GALNT17: variants seen among roughly 807,000 people sequenced by gnomAD.
The protein encoded by GALNT17 is UDP-GalNAc:polypeptide N-acetylgalactosaminyltransferase-like 3.
In GALNT17, 29 loss-of-function variants were observed where a neutral mutation model predicts 63.7. The ratio of observed to expected loss-of-function variants is 0.46; its 90% CI spans 0.34 to 0.62. GALNT17 has a LOEUF of 0.62. GALNT17 is among the 20% of genes least tolerant of loss of function. GALNT17 has a pLI of 0.01. For synonymous variants in GALNT17, 305 were observed against 318.3 expected, an observed-to-expected ratio of 0.96 and a Z score of 0.45; for missense variants, 603 against 799.6, an observed-to-expected ratio of 0.75 and a Z score of 2.97.
intron 5 of GALNT17, among the ~76,000 whole-genome samples, chr7:71,565,991 G>A (rs569870982): frequency 1.1e-4 from 16 of 151,826 alleles, no homozygotes; most frequent in African/African-American, 3.1e-4. Context: ...TTACAGGTGC[G>A]TGCTACTAGG....
intron 5 of GALNT17, among the ~76,000 whole-genome samples, chr7:71,424,249 C>T (rs1786718782): frequency 6.6e-6 from 1 of 152,182 alleles, no homozygotes; most frequent in Non-Finnish European, 1.5e-5. Flanking sequence ...AGGGATGAAA[C>T]TCAAATGATG....
chr7:71,191,431 C>G (rs1478317594), intron 1 of GALNT17, among the ~76,000 whole-genome samples: 1 of 151,664 alleles, frequency 6.6e-6, no homozygotes, highest in Non-Finnish European at 1.5e-5. Context: ...GGTAGACTTG[C>G]CAGGCACCAG....
intron 1 of GALNT17, among the ~76,000 whole-genome samples, chr7:71,258,536 G>T (rs1790327972): frequency 6.6e-6 from 1 of 152,182 alleles, no homozygotes; most frequent in Non-Finnish European, 1.5e-5. Flanking sequence ...CCATCCCCAA[G>T]AAGTTTTCAG....
At position 71,381,395 on chromosome 7, in the gene GALNT17, G is replaced by A. The variant is rs557100431; in HGVS notation, c.423-6840G>A. On this transcript the variant is annotated intron_variant, in intron 2 of 10. Coordinates refer to ENST00000333538, the MANE Select transcript of GALNT17 (RefSeq NM_022479.3). ...TGGAGTAGGAGGCACTATCCCTTGC[G>A]GACTGGGAGGTTGGCCCAAGGAACT... Among the ~76,000 whole-genome samples, 9 of 152,258 alleles carry A rather than the reference G, an allele frequency of 5.9e-5. No individual in the cohort carries two copies. The South Asian group carries it at 6.2e-4, about 11-fold the overall frequency.
intron 2 of GALNT17, among the ~76,000 whole-genome samples, chr7:71,357,322 C>A (rs1792305825): frequency 6.6e-6 from 1 of 152,048 alleles, no homozygotes; most frequent in Non-Finnish European, 1.5e-5. Flanking sequence ...GAGCGCGAAC[C>A]CTATTGTGAA....
At chr7:71,302,618 T>C (rs1791220829) in intron 1 of GALNT17, among the ~76,000 whole-genome samples, 1 of 152,108 alleles carries the variant, frequency 6.6e-6, no homozygotes, top group African/African-American at 2.4e-5. Context: ...TCATAGAACG[T>C]CACTGTAATG....
At chr7:71,679,063 T>C (rs1415379151) in intron 9 of GALNT17, among the ~76,000 whole-genome samples, 2 of 152,100 alleles carry the variant, frequency 1.3e-5, no homozygotes, top group African/African-American at 4.8e-5. Context: ...GAGTAGGAGA[T>C]TGGCTGGGAA....
intron 6 of GALNT17, among the ~76,000 whole-genome samples, chr7:71,644,527 C>CAAAAAAAAA (rs58497593): frequency 8.5e-5 from 2 of 23,638 alleles, no homozygotes; most frequent in Non-Finnish European, 1.4e-4. Flanking sequence ...GACTCCATCT[C>CAAAAAAAAA]AAAAAAAAAA....
At chr7:71,146,021 T>G (rs1788016853) in intron 1 of GALNT17, among the ~76,000 whole-genome samples, 2 of 152,146 alleles carry the variant, frequency 1.3e-5, no homozygotes, top group Admixed American at 6.6e-5. Flanking sequence ...GGGTTTTTTT[T>G]TAAAGGAATA....
At chr7:71,349,057 C>A in intron 2 of GALNT17, among the ~76,000 whole-genome samples, 2 of 152,348 alleles carry the variant, frequency 1.3e-5, no homozygotes, top group Non-Finnish European at 2.9e-5. Flanking sequence ...CAGATAGTTA[C>A]GTGAAATACT....
At chr7:71,253,270 C>A (rs886115597) in intron 1 of GALNT17, among the ~76,000 whole-genome samples, 1 of 152,086 alleles carries the variant, frequency 6.6e-6, no homozygotes, top group Non-Finnish European at 1.5e-5. Flanking sequence ...ACAATCATGG[C>A]GGAAGGCAAA....
chr7:71,369,393 A>G lies in GALNT17; in HGVS notation c.423-18842A>G, dbSNP rs1426610963. ...GCCTCATGTATCCACTACCATTTCT[A>G]TAGCTTCCTCAATAGCCCAAAGTGT... On this transcript the variant is annotated intron_variant, in intron 2 of 10. Transcript: ENST00000333538. 5.3e-5 allele frequency among the ~76,000 whole-genome samples: 8 copies of G among 152,208 alleles called. 1 individual carries two copies. The highest frequency in any genetic ancestry group is 7.3e-5 in the Non-Finnish European group (5 of 68,034).
In GALNT17 at chr7:71,133,020, T is replaced by C. The variant is rs1466673797; in HGVS notation, c.218T>C (p.Ile73Thr). Residue 73 changes from isoleucine (I) to threonine (T), a missense_variant, in exon 1 of 11, where the codon ATC becomes ACC. Coordinates refer to ENST00000333538, the MANE Select transcript of GALNT17 (RefSeq NM_022479.3). ...VLKRLSLLED[I>T]VYRQLNGLSK... ...AAGCGCCTGTCGCTGCTGGAGGACA[T>C]CGTGTACCGGCAGCTGAATGGTAAG... 1 of 1,586,090 alleles carries C rather than the reference T, an allele frequency of 6.3e-7. No homozygotes were observed.
At chr7:71,573,698 G>A (rs59081593) in intron 6 of GALNT17, among the ~76,000 whole-genome samples, 2,079 of 152,150 alleles carry the variant, frequency 0.014, 58 homozygotes, top group African/African-American at 0.047. Flanking sequence ...GTGCAGGTTT[G>A]TTATATAGGT....
intron 1 of GALNT17, among the ~76,000 whole-genome samples, chr7:71,255,194 CA>C (rs1790267816): frequency 6.6e-6 from 1 of 152,250 alleles, no homozygotes; most frequent in African/African-American, 2.4e-5. Flanking sequence ...CTAGCTCCCA[CA>C]ATTCCCACAT....
intron 5 of GALNT17, among the ~76,000 whole-genome samples, chr7:71,421,747 C>T (rs796943670): frequency 9.2e-5 from 14 of 152,156 alleles, no homozygotes; most frequent in African/African-American, 3.4e-4. Context: ...GTCAGGAGTT[C>T]GAGATCAGCC....
At chr7:71,331,151 G>A (rs1392049795) in intron 1 of GALNT17, among the ~76,000 whole-genome samples, 1 of 152,156 alleles carries the variant, frequency 6.6e-6, no homozygotes, top group Admixed American at 6.5e-5. Flanking sequence ...TTTTTGGGCA[G>A]TGTTATCACT....
chr7:71,466,560 C>T (rs1787539209), intron 5 of GALNT17, among the ~76,000 whole-genome samples: 1 of 152,120 alleles, frequency 6.6e-6, no homozygotes, highest in South Asian at 2.1e-4. Flanking sequence ...TAGAGAATTC[C>T]CTTCCCTTCC....
chr7:71,202,607 A>T (rs369815251), intron 1 of GALNT17, among the ~76,000 whole-genome samples: 1 of 152,352 alleles, frequency 6.6e-6, no homozygotes, highest in South Asian at 2.1e-4. Flanking sequence ...CATCTAATTA[A>T]CATGTCCATC....
Sources: allele counts gnomAD v4.1 joint callset (sites outside exome capture counted in the v4.1 genomes callset), GRCh38; gene constraint gnomAD v4.1.1; transcripts MANE v1.5; gene names NCBI Gene and HGNC (gene_info 2026-07-23, HGNC 2026-07-21).